The following FGF12 variants were observed in gnomAD, a reference collection of about 807,000 sequenced individuals.
The protein encoded by FGF12 is fibroblast growth factor 12, also known as fibroblast growth factor 12B.
A neutral mutation model predicts 23.6 loss-of-function variants in FGF12; 14 were observed. The observed-to-expected ratio is 0.59, with a 90% confidence interval of 0.39 to 0.93. The LOEUF is 0.93. Among genes scored for constraint, FGF12 ranks in the 40% least tolerant of loss-of-function variants. FGF12 has a pLI of 0.00. For synonymous variants in FGF12, 62 were observed against 77.3 expected, an observed-to-expected ratio of 0.80 and a Z score of 1.04; for missense variants, 175 against 217.8, an observed-to-expected ratio of 0.80 and a Z score of 1.24.
intron 4 of FGF12, among the ~76,000 whole-genome samples, chr3:192,286,654 G>T (rs1318648240): frequency 6.6e-6 from 1 of 151,974 alleles, no homozygotes; most frequent in African/African-American, 2.4e-5. Context: ...GAATGAAAAA[G>T]AAATCCTTTT....
At chr3:192,407,722 T>TGGA (rs67940766) in intron 2 of FGF12, among the ~76,000 whole-genome samples, 1 of 145,802 alleles carries the variant, frequency 6.9e-6, no homozygotes, top group South Asian at 2.1e-4. Flanking sequence ...AATGAATGAA[T>TGGA]TAATGAATGA....
At chr3:192,365,203 C>T (rs1718920530) in intron 2 of FGF12, among the ~76,000 whole-genome samples, 1 of 151,310 alleles carries the variant, frequency 6.6e-6, no homozygotes, top group Non-Finnish European at 1.5e-5. Flanking sequence ...CGAAATATCA[C>T]TTGTACCCTA....
rs530712664 is a variant in FGF12, at chr3:192,585,578, T to G, written c.13+141603A>C. Among the ~76,000 whole-genome samples, 291 of 150,596 alleles carry G rather than the reference T, an allele frequency of 1.9e-3. 1 individual carries two copies. Among genetic ancestry groups the G allele is most frequent in the Non-Finnish European group, 2.4e-3 (164 of 67,646 alleles). ...ATCTCACCAGCTTGACCCAAGGAGG[T>G]TGGGCCTGTAGAACTCTGGGGACTC... On this transcript the variant is annotated intron_variant, in intron 2 of 5. Transcript: ENST00000445105.
At chr3:192,621,900 C>T (rs1714990689) in intron 2 of FGF12, among the ~76,000 whole-genome samples, 1 of 151,908 alleles carries the variant, frequency 6.6e-6, no homozygotes, top group Non-Finnish European at 1.5e-5. Flanking sequence ...ATCTTCTATC[C>T]CAAATATTTA....
intron 2 of FGF12, among the ~76,000 whole-genome samples, chr3:192,482,622 G>C (rs1284017821): frequency 2.6e-5 from 4 of 151,910 alleles, no homozygotes; most frequent in Admixed American, 1.3e-4. Context: ...CAACAAAACG[G>C]GATTCCGTCT....
rs550625595 is a variant in FGF12 at position 192,142,336 on chromosome 3, A to T, written c.*1673T>A. The T allele has an allele frequency of 1.3e-5, 2 of 152,636 alleles. No homozygotes were observed. Among genetic ancestry groups the T allele is most frequent in the East Asian group, 3.9e-4 (2 of 5,176 alleles). 9.5% of individuals were successfully genotyped at this position (152,636 alleles called of 1,614,324 possible). A position where few individuals can be genotyped will look rare whatever the true frequency, so the allele number is the denominator to read the frequency against. On this transcript the variant is annotated 3_prime_UTR_variant, in exon 6 of 6. Transcript: ENST00000445105. ...ATACGGCAACCAATGGCAAGGTTTG[A>T]GGTGAGGGCCTAGAGCTTCTGCAAA...
chr3:192,296,876 A>G (rs1715071310), intron 4 of FGF12, among the ~76,000 whole-genome samples: 2 of 152,228 alleles, frequency 1.3e-5, no homozygotes, highest in Non-Finnish European at 2.9e-5. Flanking sequence ...TATCATTTGC[A>G]CTGATAACAT....
chr3:192,663,479 T>C (rs966742169), intron 2 of FGF12, among the ~76,000 whole-genome samples: 2 of 152,160 alleles, frequency 1.3e-5, no homozygotes, highest in Non-Finnish European at 2.9e-5. Context: ...ACAGGCCTCC[T>C]GTGAAGCCCA....
intron 4 of FGF12, among the ~76,000 whole-genome samples, chr3:192,199,817 T>C (rs976748068): frequency 6.6e-6 from 1 of 152,194 alleles, no homozygotes; most frequent in Admixed American, 6.5e-5. Flanking sequence ...ACGCCACTCT[T>C]ACGCCAGGAA....
At chr3:192,617,723 T>TAG (rs1388539297) in intron 2 of FGF12, among the ~76,000 whole-genome samples, 4 of 152,098 alleles carry the variant, frequency 2.6e-5, no homozygotes, top group African/African-American at 9.7e-5. Flanking sequence ...TTGATAGTGC[T>TAG]AGTCCAACAA....
chr3:192,364,513 C>G (rs1214071102), intron 2 of FGF12, among the ~76,000 whole-genome samples: 1 of 152,148 alleles, frequency 6.6e-6, no homozygotes, highest in East Asian at 1.9e-4. Flanking sequence ...TATGTCCTAG[C>G]CTCCCTTGCA....
chr3:192,353,665 G>T (rs1461813927), intron 3 of FGF12, among the ~76,000 whole-genome samples: 1 of 151,876 alleles, frequency 6.6e-6, no homozygotes, highest in African/African-American at 2.4e-5. Flanking sequence ...CACTGTGCCC[G>T]GCTGGGAGCA....
intron 2 of FGF12, among the ~76,000 whole-genome samples, chr3:192,632,792 C>CA (rs1560175640): frequency 6.6e-6 from 1 of 152,104 alleles, no homozygotes; most frequent in Admixed American, 6.6e-5. Flanking sequence ...CACAAAGGGG[C>CA]ACCTTAAAAC....
chr3:192,375,867 C>A (rs1373395177), intron 2 of FGF12, among the ~76,000 whole-genome samples: 1 of 152,182 alleles, frequency 6.6e-6, no homozygotes, highest in East Asian at 1.9e-4. Flanking sequence ...CTTCTAGCAA[C>A]TATTATTGCT....
chr3:192,648,320 A>C (rs1017166806), intron 2 of FGF12, among the ~76,000 whole-genome samples: 1 of 152,134 alleles, frequency 6.6e-6, no homozygotes, highest in East Asian at 1.9e-4. Flanking sequence ...AGAAAAAATA[A>C]TTGATTTTGT....
intron 2 of FGF12, among the ~76,000 whole-genome samples, chr3:192,396,578 G>A (rs1046481265): frequency 3.9e-5 from 6 of 152,182 alleles, no homozygotes; most frequent in Admixed American, 1.3e-4. Context: ...CTTCCATGAG[G>A]TGGGCAGGTG....
intron 4 of FGF12, among the ~76,000 whole-genome samples, chr3:192,318,509 C>T (rs1256032471): frequency 2.0e-5 from 3 of 152,008 alleles, no homozygotes; most frequent in Non-Finnish European, 4.4e-5. Context: ...AACTTGAAGA[C>T]AGCCTATTTG....
chr3:192,574,723 C>T (rs1174578394), intron 2 of FGF12, among the ~76,000 whole-genome samples: 2 of 152,198 alleles, frequency 1.3e-5, no homozygotes, highest in African/African-American at 4.8e-5. Flanking sequence ...TTGTTGAATA[C>T]TACTGTGTAC....
intron 4 of FGF12, among the ~76,000 whole-genome samples, chr3:192,297,365 A>G (rs1715100940): frequency 6.6e-6 from 1 of 152,238 alleles, no homozygotes. Flanking sequence ...TTGGAACTCA[A>G]AGACCACATC....
Sources: gnomAD v4.1 joint callset for allele counts (sites outside exome capture counted in the v4.1 genomes callset) on GRCh38, gnomAD v4.1.1 for gene constraint, MANE v1.5 for transcripts, NCBI Gene and HGNC (gene_info 2026-07-23, HGNC 2026-07-21) for gene names.